FER: variants seen among roughly 807,000 people sequenced by gnomAD.
FER encodes the protein tyrosine-protein kinase Fer.
A neutral mutation model predicts 111.0 loss-of-function variants in FER; 63 were observed. The ratio of observed to expected loss-of-function variants is 0.57; its 90% CI spans 0.46 to 0.70. The LOEUF (loss-of-function observed/expected upper bound fraction) is 0.70. Among genes scored for constraint, FER ranks in the 30% least tolerant of loss-of-function variants. The probability of loss-of-function intolerance (pLI) is 0.00; values close to 1 mark genes in which losing one functional copy is unlikely to be tolerated. For missense variants in FER, 914 were observed against 954.0 expected (o/e 0.96, Z 0.55); for synonymous variants, 327 against 313.9 (o/e 1.04, Z -0.44).
intron 14 of FER, 68 bp from the exon 15 acceptor site, chr5:109,044,612 T>G (rs997688564): frequency 4.4e-5 from 33 of 750,280 alleles, no homozygotes; most frequent in Non-Finnish European, 6.5e-5. Flanking sequence ...TTGGTACCTT[T>G]CCTTGTATTT....
intron 3 of FER, among the ~76,000 whole-genome samples, chr5:108,825,238 G>A (rs1201785579): frequency 6.6e-6 from 1 of 152,176 alleles, no homozygotes; most frequent in Non-Finnish European, 1.5e-5. Context: ...TAATAAGCCT[G>A]GGAGCGCTAT....
At chr5:108,948,833 G>A (rs1442663217) in intron 11 of FER, among the ~76,000 whole-genome samples, 2 of 152,006 alleles carry the variant, frequency 1.3e-5, no homozygotes, top group Non-Finnish European at 1.5e-5. Context: ...AATAATGCCC[G>A]TCTGATAGTA....
chr5:108,990,169 T>C (rs1488183999), intron 13 of FER, among the ~76,000 whole-genome samples: 1 of 151,972 alleles, frequency 6.6e-6, no homozygotes, highest in African/African-American at 2.4e-5. Context: ...TTAAATTAGC[T>C]TAGTCATTGA....
intron 13 of FER, among the ~76,000 whole-genome samples, chr5:109,010,618 C>A (rs1029953296): frequency 1.3e-5 from 2 of 152,184 alleles, no homozygotes; most frequent in African/African-American, 4.8e-5. Flanking sequence ...CTATTTCTCA[C>A]CCCACATCTT....
At position 109,150,864 on chromosome 5, in the gene FER, TTTATC is replaced by T. The variant is rs1175571036; in HGVS notation, c.2049-29879_2049-29875del. Among the ~76,000 whole-genome samples the T allele has an allele frequency of 1.2e-4, 19 of 152,274 alleles. No individual in the cohort carries two copies. The East Asian group carries it at 3.7e-3, about 29-fold the overall frequency. On this transcript the variant is annotated intron_variant, in intron 17 of 19. Coordinates refer to ENST00000281092, the MANE Select transcript of FER (RefSeq NM_005246.4). ...ACCTTGGATTAGAGCCCTTTGCAAA[TTTATC>T]TTACATAACTGAGTCATCAAAACAG...
chr5:108,991,700 A>G lies in FER; in HGVS notation c.1656+32353A>G, dbSNP rs569378636. 4.8e-4 allele frequency among the ~76,000 whole-genome samples: 73 copies of G among 152,128 alleles called. 1 individual carries two copies. Among genetic ancestry groups the G allele is most frequent in the African/African-American group, 1.6e-3 (68 of 41,540 alleles). On this transcript the variant is annotated intron_variant, in intron 13 of 19. Coordinates refer to ENST00000281092, the MANE Select transcript of FER (RefSeq NM_005246.4). ...ATTCAGTAAGGTTTTAAGTTTATTC[A>G]GTAAGGTTTTTTTTAGCACTTGCTA... is the stretch of plus-strand genomic sequence containing the variant.
At chr5:108,962,485 A>G (rs1759275549) in intron 13 of FER, among the ~76,000 whole-genome samples, 1 of 152,146 alleles carries the variant, frequency 6.6e-6, no homozygotes, top group South Asian at 2.1e-4. Context: ...AAGTGACATT[A>G]TATTATATGA....
chr5:108,764,622 C>T (rs1338001871), intron 1 of FER, among the ~76,000 whole-genome samples: 2 of 152,150 alleles, frequency 1.3e-5, no homozygotes, highest in Non-Finnish European at 2.9e-5. Context: ...ATCTTGAACT[C>T]CTGACCTCAG....
At chr5:108,794,524 G>GCCCCCCCCCC (rs1415651696) in intron 2 of FER, among the ~76,000 whole-genome samples, 22 of 53,680 alleles carry the variant, frequency 4.1e-4, no homozygotes, top group South Asian at 6.0e-4. Context: ...TGCCCCCTCC[G>GCCCCCCCCCC]CACCCCCCCC....
At chr5:108,929,666 A>T (rs1754288322) in intron 10 of FER, among the ~76,000 whole-genome samples, 1 of 152,060 alleles carries the variant, frequency 6.6e-6, no homozygotes, top group Non-Finnish European at 1.5e-5. Flanking sequence ...CTCTCTAGTG[A>T]TAGGTTTTCT....
chr5:108,784,214 A>G (rs944562060), intron 2 of FER: 8 of 153,296 alleles, frequency 5.2e-5, no homozygotes, highest in African/African-American at 1.9e-4. Context: ...AGACAAGAGC[A>G]TCATTACGTA....
intron 16 of FER, among the ~76,000 whole-genome samples, chr5:109,084,080 A>G (rs1308043717): frequency 1.3e-5 from 2 of 152,066 alleles, no homozygotes; most frequent in Admixed American, 6.6e-5. Flanking sequence ...CAGTCATGTT[A>G]CTTCCAGCCT....
chr5:109,130,232 G>A (rs1344999192), intron 17 of FER, among the ~76,000 whole-genome samples: 1 of 151,784 alleles, frequency 6.6e-6, no homozygotes, highest in South Asian at 2.1e-4. Context: ...TGGAAAATTT[G>A]GCATTTAATA....
chr5:109,171,123 A>G lies in FER; in HGVS notation c.2049-9624A>G, dbSNP rs139936328. 3.2e-3 allele frequency among the ~76,000 whole-genome samples: 492 copies of G among 152,308 alleles called. 3 individuals carry two copies. The highest frequency in any genetic ancestry group is 5.4e-3 in the Non-Finnish European group (370 of 68,018). On this transcript the variant is annotated intron_variant, in intron 17 of 19. Transcript: ENST00000281092. ...TGTAAATTCACTTCAAAACATTGTC[A>G]AATTCTTAGTAGCTTTTCATCATGT...
At chr5:109,179,072 G>A (rs1758010802) in intron 17 of FER, among the ~76,000 whole-genome samples, 2 of 152,042 alleles carry the variant, frequency 1.3e-5, no homozygotes, top group African/African-American at 2.4e-5. Context: ...AGAATACTTT[G>A]TGTATTTTTG....
At chr5:108,914,424 CTT>C (rs1751987615) in intron 10 of FER, among the ~76,000 whole-genome samples, 1 of 152,100 alleles carries the variant, frequency 6.6e-6, no homozygotes, top group South Asian at 2.1e-4. Flanking sequence ...ACCTCTTATT[CTT>C]TCTCTTTTAC....
chr5:109,096,502 C>T (rs529424339), intron 16 of FER, among the ~76,000 whole-genome samples: 3 of 151,958 alleles, frequency 2.0e-5, no homozygotes, highest in African/African-American at 4.8e-5. Context: ...TTCTGCTTTC[C>T]GTGAATGCAT....
In FER at chr5:109,195,672, AATGTCAGCT is replaced by A. The variant is rs1251375060; in HGVS notation, c.*8099_*8107del. 6.6e-6 allele frequency: 1 copy of A among 152,148 alleles called. No individual in the cohort carries two copies. The highest frequency in any genetic ancestry group is 1.5e-5 in the Non-Finnish European group (1 of 68,022). The allele number at this position is 152,148 out of a possible 1,614,324, so 9.4% of individuals were successfully genotyped here. A position where few individuals can be genotyped will look rare whatever the true frequency, so the allele number is the denominator to read the frequency against. On this transcript the variant is annotated 3_prime_UTR_variant, in exon 20 of 20. Coordinates refer to ENST00000281092, the MANE Select transcript of FER (RefSeq NM_005246.4). ...CTGAGCATTTCACTTTACTATACAA[AATGTCAGCT>A]ACCCAGTTGCATCCTGTGACATGAT...
chr5:108,878,081 A>G (rs1450842660), intron 8 of FER, among the ~76,000 whole-genome samples: 2 of 151,724 alleles, frequency 1.3e-5, no homozygotes, highest in Non-Finnish European at 2.9e-5. Flanking sequence ...AATTTTTTGT[A>G]TTTTTATTAG....
Sources: gnomAD v4.1 joint callset for allele counts (sites outside exome capture counted in the v4.1 genomes callset) on GRCh38, gnomAD v4.1.1 for gene constraint, MANE v1.5 for transcripts, NCBI Gene and HGNC (gene_info 2026-07-23, HGNC 2026-07-21) for gene names.